The following STPG1 variants were observed in gnomAD, a reference collection of about 807,000 sequenced individuals.
STPG1 encodes the protein O(6)-methylguanine-induced apoptosis 2.
A neutral mutation model predicts 40.1 loss-of-function variants in STPG1; 33 were observed. The observed-to-expected ratio is 0.82, with a 90% CI of 0.62 to 1.10. The LOEUF is 1.10. Among genes scored for constraint, STPG1 ranks in the 50% least tolerant of loss-of-function variants. STPG1 has a pLI of 0.00. For synonymous variants in STPG1, 150 were observed against 155.0 expected (o/e 0.97, Z 0.24); for missense variants, 396 against 415.1 (o/e 0.95, Z 0.40).
At chr1:24,369,636 C>G (rs779506646) in intron 7 of STPG1, 38 bp downstream of exon 7, 2 of 1,553,880 alleles carry the variant, frequency 1.3e-6, no homozygotes, top group African/African-American at 2.7e-5. Context: ...TCCCCACAAC[C>G]ACCTTTCAAA....
intron 5 of STPG1, among the ~76,000 whole-genome samples, chr1:24,375,137 C>T (rs1008307597): frequency 1.3e-5 from 2 of 152,192 alleles, no homozygotes; most frequent in Admixed American, 6.5e-5. Flanking sequence ...TTCTGGCCAA[C>T]TCACGAAATA....
chr1:24,378,088 A>G (rs960288445), intron 5 of STPG1, among the ~76,000 whole-genome samples: 15 of 150,626 alleles, frequency 1.0e-4, no homozygotes, highest in Admixed American at 9.9e-4. Context: ...ACTGCCCAGT[A>G]TAGTAGCCAC....
intron 7 of STPG1, among the ~76,000 whole-genome samples, chr1:24,364,700 C>G (rs986392841): frequency 1.3e-5 from 2 of 152,146 alleles, no homozygotes; most frequent in Non-Finnish European, 2.9e-5. Flanking sequence ...GTGGGGCTGA[C>G]AAATCACAAA....
intron 4 of STPG1, among the ~76,000 whole-genome samples, chr1:24,382,472 G>A (rs1261581685): frequency 6.6e-6 from 1 of 152,196 alleles, no homozygotes; most frequent in Admixed American, 6.5e-5. Context: ...GACACAGAAG[G>A]GTGACGTGCT....
chr1:24,375,128 T>A (rs1641961265), intron 5 of STPG1, among the ~76,000 whole-genome samples: 1 of 152,174 alleles, frequency 6.6e-6, no homozygotes, highest in Non-Finnish European at 1.5e-5. Context: ...AATTAAGAAT[T>A]CTGGCCAACT....
chr1:24,404,173 G>A (rs1025832894), intron 1 of STPG1, among the ~76,000 whole-genome samples: 7 of 152,036 alleles, frequency 4.6e-5, no homozygotes, highest in African/African-American at 1.5e-4. Flanking sequence ...TACTTTTTCC[G>A]CATCTATGGA....
intron 2 of STPG1, among the ~76,000 whole-genome samples, chr1:24,395,255 A>T (rs1011429067): frequency 6.6e-6 from 1 of 152,052 alleles, no homozygotes; most frequent in African/African-American, 2.4e-5. Context: ...AAACTATATA[A>T]ATATTGAAAG....
At chr1:24,392,415 T>C (rs1449375317) in intron 2 of STPG1, among the ~76,000 whole-genome samples, 1 of 152,202 alleles carries the variant, frequency 6.6e-6, no homozygotes, top group East Asian at 1.9e-4. Context: ...TTTTTGATGT[T>C]TGATGGCTGA....
At chr1:24,385,879 A>C (rs1642484473) in intron 3 of STPG1, among the ~76,000 whole-genome samples, 1 of 152,136 alleles carries the variant, frequency 6.6e-6, no homozygotes. Context: ...GGTGCTTTTG[A>C]GCTTCCAGAG....
chr1:24,369,722 T>A lies in STPG1; in HGVS notation c.689A>T (p.Tyr230Phe), dbSNP rs751237764. Residue 230 changes from tyrosine to phenylalanine, a missense_variant, in exon 7 of 9, where the codon TAT becomes TTT. Coordinates refer to ENST00000337248, the MANE Select transcript of STPG1 (RefSeq NM_001199013.2). Reference protein sequence around the residue: ...KLTSTGPGPGYYNPSDCTKVP... With the variant: ...KLTSTGPGPGFYNPSDCTKVP... ...TTTTGTGCAATCACTGGGGTTGTAATAACCAGGTCCCGGGCCTGTTGACGT... is the reference window on the plus strand; with the variant it reads ...TTTTGTGCAATCACTGGGGTTGTAAAAACCAGGTCCCGGGCCTGTTGACGT... 4 of 1,610,898 alleles carry A rather than the reference T, an allele frequency of 2.5e-6. No individual in the cohort carries two copies. The South Asian group carries it at 4.4e-5, about 18-fold the overall frequency.
chr1:24,408,066 T>C (rs944484237), intron 1 of STPG1, among the ~76,000 whole-genome samples: 2 of 152,254 alleles, frequency 1.3e-5, no homozygotes, highest in Non-Finnish European at 2.9e-5. Flanking sequence ...GAATTTTACA[T>C]TGCTGGGTGC....
At chr1:24,372,110 G>A (rs1397772341) in intron 6 of STPG1, among the ~76,000 whole-genome samples, 11 of 152,120 alleles carry the variant, frequency 7.2e-5, no homozygotes, top group Admixed American at 4.6e-4. Context: ...CCCGGGGGGC[G>A]GAGGTTGCGG....
At position 24,384,582 on chromosome 1, in the gene STPG1, G is replaced by A. The variant is rs147667320; in HGVS notation, c.190-579C>T. On this transcript the variant is annotated intron_variant, in intron 3 of 8. Coordinates refer to ENST00000337248, the MANE Select transcript of STPG1 (RefSeq NM_001199013.2). ...CAAGTGCTGAATGATGCAGGCATGT[G>A]AGAGAGGAATAAGTGAGAGGTCACT... 3.0e-3 allele frequency among the ~76,000 whole-genome samples: 458 copies of A among 152,342 alleles called. 1 individual carries two copies. Among genetic ancestry groups the A allele is most frequent in the African/African-American group, 0.011 (446 of 41,564 alleles).
chr1:24,382,917 C>T lies in STPG1; in HGVS notation c.291+985G>A, dbSNP rs199869151. ...AGAGTCTGGGCTTGCTTTCTTTTCA[C>T]TTTTTTTTTTTTTGGACAGAGTCTG... On this transcript the variant is annotated intron_variant, in intron 4 of 8. Coordinates refer to ENST00000337248, the MANE Select transcript of STPG1 (RefSeq NM_001199013.2). Among the ~76,000 whole-genome samples, 5 of 133,508 alleles carry T rather than the reference C, an allele frequency of 3.7e-5. 1 individual carries two copies. Among genetic ancestry groups the T allele is most frequent in the African/African-American group, 1.5e-4 (5 of 34,238 alleles). 87.6% of individuals were successfully genotyped at this position (133,508 alleles called of 152,430 possible).
In STPG1 at chr1:24,357,384, G is replaced by A. The variant is rs1640792930; in HGVS notation, c.*1159C>T. Reference sequence around the variant, plus strand: ...CTCCCCTCCCAGAGCCAGTTAGGAAGCTGGAAGGTGGCGCTTCTCAACCTA... The same window carrying A: ...CTCCCCTCCCAGAGCCAGTTAGGAAACTGGAAGGTGGCGCTTCTCAACCTA... On this transcript the variant is annotated 3_prime_UTR_variant, in exon 9 of 9. Transcript: ENST00000337248. 1 of 152,406 alleles carries A rather than the reference G, an allele frequency of 6.6e-6. No homozygotes were observed. The highest frequency in any genetic ancestry group is 2.4e-5 in the African/African-American group (1 of 41,442). 9.4% of individuals were successfully genotyped at this position (152,406 alleles called of 1,614,324 possible).
chr1:24,378,839 C>A (rs1642151091), intron 5 of STPG1, among the ~76,000 whole-genome samples: 1 of 152,146 alleles, frequency 6.6e-6, no homozygotes. Context: ...CTTATGGTAA[C>A]CCTGTAGGGC....
chr1:24,387,832 T>C (rs978700436), intron 3 of STPG1, among the ~76,000 whole-genome samples: 1 of 152,134 alleles, frequency 6.6e-6, no homozygotes, highest in Admixed American at 6.5e-5. Context: ...GGGTCAGATA[T>C]GCAGCTGAGG....
chr1:24,371,242 T>G (rs1048933410), intron 6 of STPG1, among the ~76,000 whole-genome samples: 3 of 152,154 alleles, frequency 2.0e-5, no homozygotes, highest in African/African-American at 4.8e-5. Context: ...GAATATACTA[T>G]ATATTTATTT....
intron 1 of STPG1, among the ~76,000 whole-genome samples, chr1:24,402,972 AT>A (rs995453950): frequency 2.0e-5 from 3 of 152,036 alleles, no homozygotes; most frequent in Non-Finnish European, 2.9e-5. Flanking sequence ...ATTTGTCAAA[AT>A]TTTCTTTTAA....
Sources: gnomAD v4.1 joint callset for allele counts (sites outside exome capture counted in the v4.1 genomes callset) on GRCh38, gnomAD v4.1.1 for gene constraint, MANE v1.5 for transcripts, NCBI Gene and HGNC (gene_info 2026-07-23, HGNC 2026-07-21) for gene names.